RBM34: variants seen among roughly 807,000 people sequenced by gnomAD.
RBM34 encodes RNA-binding protein 34.
A neutral mutation model predicts 44.6 loss-of-function variants in RBM34; 39 were observed. That is an observed-to-expected ratio of 0.87 (90% CI 0.68 to 1.14). The LOEUF is 1.14. Among genes scored for constraint, RBM34 ranks in the 50% most tolerant of loss-of-function variants. The pLI is 0.00. For synonymous variants in RBM34, 194 were observed against 184.0 expected, an observed-to-expected ratio of 1.05 and a Z score of -0.44; for missense variants, 572 against 517.9, an observed-to-expected ratio of 1.10 and a Z score of -1.01.
chr1:235,140,727 G>A (rs1486269740), intron 6 of RBM34, among the ~76,000 whole-genome samples: 2 of 152,234 alleles, frequency 1.3e-5, no homozygotes, highest in Non-Finnish European at 2.9e-5. Context: ...CCCCGGTGCA[G>A]GATCCACTGG....
intron 3 of RBM34, among the ~76,000 whole-genome samples, chr1:235,155,858 T>TATAC (rs1432114303): frequency 4.7e-5 from 2 of 42,158 alleles, no homozygotes; most frequent in African/African-American, 1.4e-4. Context: ...TATATATATA[T>TATAC]ATATATATAC....
intron 2 of RBM34, 65 bp from the exon 3 acceptor site, chr1:235,160,712 A>T (rs1053264868): frequency 4.5e-6 from 7 of 1,560,140 alleles, no homozygotes; most frequent in Non-Finnish European, 6.1e-6. Context: ...CTAAGCCATA[A>T]TTCAGTCTTT....
In RBM34 at chr1:235,161,105, C is replaced by T. The variant is rs750505156; in HGVS notation, c.54-38G>A. 1.5e-5 allele frequency: 24 copies of T among 1,607,134 alleles called. 1 individual carries two copies. In the South Asian group the frequency reaches 2.4e-4, roughly 16 times the overall value. ...GACAGAAACTCAGCCACGCCACGCA[C>T]CACCGCTTCGCCAGCACGAGGGAAC... On this transcript the variant is annotated intron_variant, in intron 1 of 10. Transcript: ENST00000408888.
chr1:235,137,993 C>G (rs929310147), intron 7 of RBM34, 53 bp from the exon 8 acceptor site: 15 of 1,541,032 alleles, frequency 9.7e-6, no homozygotes, highest in Non-Finnish European at 1.3e-5. Flanking sequence ...CACTCGATTA[C>G]TAAAACATCT....
At position 235,145,340 on chromosome 1, in the gene RBM34, C is replaced by T. The variant is rs77263964; in HGVS notation, c.701+3064G>A. Among the ~76,000 whole-genome samples, 1,020 of 150,478 alleles carry T rather than the reference C, an allele frequency of 6.8e-3. 15 individuals are homozygous for T. The highest frequency in any genetic ancestry group is 0.024 in the African/African-American group (973 of 40,846). The stretch of plus-strand genomic sequence containing the variant: ...TCATCCAGGCTGGAGCGTAGTGGTG[C>T]AATCATGGTTCACTGCAGCCTCCAT... On this transcript the variant is annotated intron_variant, in intron 6 of 10. Transcript: ENST00000408888.
intron 10 of RBM34, among the ~76,000 whole-genome samples, chr1:235,133,767 T>A (rs546436950): frequency 2.2e-4 from 33 of 152,334 alleles, no homozygotes; most frequent in African/African-American, 7.5e-4. Context: ...TGCCATTTTA[T>A]ATAAGGGACT....
At chr1:235,149,176 C>G (rs1362785266) in intron 5 of RBM34, among the ~76,000 whole-genome samples, 2 of 151,632 alleles carry the variant, frequency 1.3e-5, no homozygotes, top group African/African-American at 4.8e-5. Context: ...ATCACGAGGT[C>G]AGGAGGTTGA....
intron 6 of RBM34, among the ~76,000 whole-genome samples, chr1:235,142,244 C>CT (rs1362951006): frequency 6.6e-5 from 10 of 152,298 alleles, no homozygotes; most frequent in Admixed American, 5.2e-4. Flanking sequence ...GCTGCGCCCA[C>CT]TCCCACCAGA....
At chr1:235,139,544 C>T (rs1407981439) in intron 6 of RBM34, among the ~76,000 whole-genome samples, 1 of 152,148 alleles carries the variant, frequency 6.6e-6, no homozygotes, top group Non-Finnish European at 1.5e-5. Flanking sequence ...TAGAGCCCTG[C>T]TCTTCACACA....
At chr1:235,153,224 A>T (rs1363914130) in intron 4 of RBM34, among the ~76,000 whole-genome samples, 2 of 151,886 alleles carry the variant, frequency 1.3e-5, no homozygotes, top group East Asian at 3.9e-4. Context: ...CAGTTGGATG[A>T]ACAAAAAAAT....
chr1:235,131,747 C>A lies in RBM34; in HGVS notation c.1259G>T (p.Ser420Ile). ...TTTTCTCTGTTTCTTAGGGCGTCCA[C>A]TTTTCTTCTGTCCTTTCTTCTTCGT... is the stretch of plus-strand genomic sequence containing the variant. Reference protein sequence around the residue: ...LKTKKKGQKKSGRPKKQRKQK With the variant: ...LKTKKKGQKKIGRPKKQRKQK Residue 420 changes from serine to isoleucine, a missense_variant, in exon 11 of 11, where the codon AGT (serine) becomes ATT (isoleucine). Physicochemically the swap from Ser to Ile is moderately radical, Grantham distance 142. Transcript: ENST00000408888. 1 of 1,604,602 alleles carries A rather than the reference C, an allele frequency of 6.2e-7. No homozygotes were observed. The highest frequency in any genetic ancestry group is 8.5e-7 in the Non-Finnish European group (1 of 1,177,100).
chr1:235,134,310 C>T (rs1458537551), intron 10 of RBM34, among the ~76,000 whole-genome samples: 1 of 152,142 alleles, frequency 6.6e-6, no homozygotes, highest in Non-Finnish European at 1.5e-5. Flanking sequence ...AGGCGTGAGC[C>T]ACCGCACCCA....
chr1:235,137,760 G>C (rs1214992766), intron 8 of RBM34, 117 bp downstream of exon 8: 3 of 751,700 alleles, frequency 4.0e-6, no homozygotes, highest in Non-Finnish European at 6.5e-6. Context: ...GACATAGGCT[G>C]TTTCCTTCTG....
chr1:235,133,729 T>C (rs1661303242), intron 10 of RBM34, among the ~76,000 whole-genome samples: 1 of 152,230 alleles, frequency 6.6e-6, no homozygotes, highest in Non-Finnish European at 1.5e-5. Context: ...AAATTTATTA[T>C]ATATAACAAT....
chr1:235,151,075 A>G (rs939651232), intron 5 of RBM34, among the ~76,000 whole-genome samples: 29 of 152,364 alleles, frequency 1.9e-4, no homozygotes, highest in African/African-American at 6.7e-4. Flanking sequence ...GTAAGGAACT[A>G]CAATAGGCCT....
intron 3 of RBM34, among the ~76,000 whole-genome samples, chr1:235,155,507 T>A (rs1261827874): frequency 2.4e-5 from 2 of 82,124 alleles, no homozygotes; most frequent in African/African-American, 1.4e-4. Flanking sequence ...ACACGTGGCT[T>A]TTTTTTTTTT....
chr1:235,142,212 A>G (rs1477332552), intron 6 of RBM34, among the ~76,000 whole-genome samples: 1 of 152,138 alleles, frequency 6.6e-6, no homozygotes, highest in African/African-American at 2.4e-5. Flanking sequence ...CGGAAACACT[A>G]AGACAAGACA....
Position 235,151,104 on chromosome 1 carries a change from G to A in RBM34, c.657+1602C>T, listed in dbSNP as rs189608550. Among the ~76,000 whole-genome samples, 357 of 152,316 alleles carry A rather than the reference G, an allele frequency of 2.3e-3. 2 individuals are homozygous for A. The highest frequency in any genetic ancestry group is 8.4e-3 in the African/African-American group (349 of 41,560). On this transcript the variant is annotated intron_variant, in intron 5 of 10. Coordinates refer to ENST00000408888, the MANE Select transcript of RBM34 (RefSeq NM_015014.4). ...TAGGCCTCTGCGACTATTCTGACAG[G>A]AGGTAATGAGAACTTAGGTAGGACA...
intron 5 of RBM34, among the ~76,000 whole-genome samples, chr1:235,150,328 C>T (rs904842284): frequency 1.2e-4 from 18 of 152,298 alleles, no homozygotes; most frequent in Admixed American, 7.9e-4. Context: ...GCCTTGGCCT[C>T]CCAAAGTGCT....
Sources: allele counts gnomAD v4.1 joint callset (sites outside exome capture counted in the v4.1 genomes callset), GRCh38; gene constraint gnomAD v4.1.1; transcripts MANE v1.5; gene names NCBI Gene and HGNC (gene_info 2026-07-23, HGNC 2026-07-21).